COL16A1: variants seen among roughly 807,000 people sequenced by gnomAD.
COL16A1 encodes the protein collagen alpha-1(XVI) chain.
Under a neutral mutation model 266.3 loss-of-function variants are expected in COL16A1, and 189 were observed. The ratio of observed to expected loss-of-function variants is 0.71; its 90% CI spans 0.63 to 0.80. The LOEUF (loss-of-function observed/expected upper bound fraction) is 0.80. Among genes scored for constraint, COL16A1 ranks in the 30% least tolerant of loss-of-function variants. COL16A1 has a pLI of 0.00. For missense variants in COL16A1, 1,928 were observed against 2,122.4 expected, an observed-to-expected ratio of 0.91 and a Z score of 1.80; for synonymous variants, 740 against 782.3, an observed-to-expected ratio of 0.95 and a Z score of 0.90.
intron 44 of COL16A1, among the ~76,000 whole-genome samples, chr1:31,674,445 G>A (rs1250720107): frequency 6.6e-6 from 1 of 152,220 alleles, no homozygotes; most frequent in African/African-American, 2.4e-5. Context: ...GCCGGCCCAG[G>A]CCACAGCCCT....
intron 9 of COL16A1, 73 bp from the exon 10 acceptor site, chr1:31,695,860 C>T (rs1373755106): frequency 4.9e-5 from 69 of 1,398,556 alleles, no homozygotes; most frequent in Non-Finnish European, 6.8e-5. Flanking sequence ...AACACCCCTA[C>T]CCCCAAACCA....
intron 12 of COL16A1, 100 bp from the exon 13 acceptor site, chr1:31,693,254 A>G: frequency 1.4e-6 from 1 of 715,314 alleles, no homozygotes; most frequent in South Asian, 1.5e-5. Flanking sequence ...ATCCCCCCAC[A>G]CACGGGTACG....
chr1:31,681,117 C>G lies in COL16A1; in HGVS notation c.2539-50G>C, dbSNP rs2297685. The stretch of plus-strand genomic sequence containing the variant: ...GAGGGTGAGACTGGGCAGCGGCCAG[C>G]CATCTGGCCTGCTGCAGAAAAGGGG... On this transcript the variant is annotated intron_variant, in intron 37 of 70. Transcript: ENST00000373672. 561 of 1,565,276 alleles carry G rather than the reference C, an allele frequency of 3.6e-4. 6 individuals are homozygous for G. In the East Asian group the frequency reaches 0.01, roughly 29 times the overall value.
At chr1:31,676,688 C>T (rs765371318) in intron 42 of COL16A1, among the ~76,000 whole-genome samples, 1 of 152,152 alleles carries the variant, frequency 6.6e-6, no homozygotes, top group African/African-American at 2.4e-5. Context: ...CCATGCCACC[C>T]GGACAATGTT....
intron 3 of COL16A1, 25 bp from the exon 4 acceptor site, chr1:31,699,955 A>C (rs762303881): frequency 9.4e-6 from 15 of 1,592,958 alleles, no homozygotes; most frequent in Non-Finnish European, 1.3e-5. Context: ...TCAGGTGAAG[A>C]GCTCAGCTGA....
intron 48 of COL16A1, among the ~76,000 whole-genome samples, chr1:31,671,096 C>G (rs569101910): frequency 4.6e-5 from 7 of 152,328 alleles, no homozygotes; most frequent in Admixed American, 4.6e-4. Context: ...ATTTTCCTGC[C>G]ATGTCAACAT....
intron 2 of COL16A1, chr1:31,701,592 C>A (rs1644727076): frequency 1.0e-6 from 1 of 984,742 alleles, no homozygotes; most frequent in Non-Finnish European, 1.2e-6. Flanking sequence ...CATCCAGAGT[C>A]TGGGCCTCGG....
At chr1:31,659,095 C>G (rs1313702012) in intron 62 of COL16A1, 131 bp from the exon 63 acceptor site, 2 of 851,912 alleles carry the variant, frequency 2.3e-6, no homozygotes, top group Non-Finnish European at 3.8e-6. Context: ...TTCCTTCGCT[C>G]TGGTCTTGCA....
chr1:31,694,146 TG>T lies in COL16A1; in HGVS notation c.1005del (p.Lys336ArgfsTer125). On this transcript the variant is annotated frameshift_variant, in exon 12 of 71. Transcript: ENST00000373672. LOFTEE classifies it high-confidence loss of function. The stretch of plus-strand genomic sequence containing the variant: ...TCCCGTTCTCCATTAGGACTCACCT[TG>T]GGGCCAGAGGGAGCAAGTGTGACCT... ...DSNVTLAPSG[P>X]KGGKGERGLP... 6.2e-7 allele frequency: 1 copy of T among 1,600,246 alleles called. No individual in the cohort carries two copies.
rs1205924497 is a variant in COL16A1 at position 31,665,637 on chromosome 1, G to A, written c.3457-19C>T. On this transcript the variant is annotated intron_variant, in intron 54 of 70. Coordinates refer to ENST00000373672, the MANE Select transcript of COL16A1 (RefSeq NM_001856.4). ...GAAATCCCTAGGGTGAGAAGCAAGG[G>A]GCAGTGTGCTGTGCCACCCCCTCTC... 2 of 1,612,620 alleles carry A rather than the reference G, an allele frequency of 1.2e-6. No homozygotes were observed. The highest frequency in any genetic ancestry group is 1.7e-6 in the Non-Finnish European group (2 of 1,179,278).
rs775467030 is a variant in COL16A1, at chr1:31,698,588, AC to A, written c.284del (p.Gly95ValfsTer10). ...TQPTRRVFPR[G>X]LPEEFALVLT... The stretch of plus-strand genomic sequence containing the variant: ...GCACCAGGGCAAACTCCTCCGGGAG[AC>A]CCCGAGGGAATACTCTTCTGGAGAT... On this transcript the variant is annotated frameshift_variant, in exon 5 of 71. Transcript: ENST00000373672. LOFTEE classifies it high-confidence loss of function. The surrounding 1 kb of genome is among the most constrained non-coding windows in gnomAD (Gnocchi z 4.1). The A allele has an allele frequency of 2.4e-5, 38 of 1,613,622 alleles. No individual in the cohort carries two copies. The highest frequency in any genetic ancestry group is 3.1e-5 in the Non-Finnish European group (37 of 1,179,958).
chr1:31,653,422 G>GC (rs776336841), intron 70 of COL16A1, 177 bp downstream of exon 70: 4 of 710,202 alleles, frequency 5.6e-6, no homozygotes, highest in Non-Finnish European at 8.9e-6. Flanking sequence ...TGAGTCTTCC[G>GC]CCCCCACATC....
intron 37 of COL16A1, 96 bp from the exon 38 acceptor site, chr1:31,681,163 C>T (rs2297684): frequency 0.58 from 861,455 of 1,476,780 alleles, 254,760 homozygotes; most frequent in South Asian, 0.62. Flanking sequence ...ACAGAAGCAG[C>T]GCCAGGTTCC....
Position 31,668,253 on chromosome 1 carries a change from C to T in COL16A1, c.3250-35G>A, listed in dbSNP as rs1230568931. On this transcript the variant is annotated intron_variant, in intron 50 of 70. Coordinates refer to ENST00000373672, the MANE Select transcript of COL16A1 (RefSeq NM_001856.4). This position sits in a 1 kb window ranked among gnomAD's most constrained non-coding sequence, Gnocchi z 5.8. ...AAGGCAGACATGATGGATAGCCCCC[C>T]AACATTTCTGTTCTCCCCTCGCTGG... 5.6e-6 allele frequency: 9 copies of T among 1,610,168 alleles called. No homozygotes were observed. Among genetic ancestry groups the T allele is most frequent in the Non-Finnish European group, 7.6e-6 (9 of 1,176,860 alleles).
chr1:31,678,207 G>C (rs1643344702), intron 42 of COL16A1, among the ~76,000 whole-genome samples: 1 of 152,130 alleles, frequency 6.6e-6, no homozygotes, highest in Non-Finnish European at 1.5e-5. Flanking sequence ...GGGTGGGGAG[G>C]GAAGATACAA....
Position 31,700,648 on chromosome 1 carries a change from G to A in COL16A1, c.74-533C>T, listed in dbSNP as rs575555906. On this transcript the variant is annotated intron_variant, in intron 2 of 70. Transcript: ENST00000373672. ...TGGGAGTTGTAGGTGCCCATGCCACGAGGGATGACATGTGCAGCTGGCACA... is the reference window on the plus strand; with the variant it reads ...TGGGAGTTGTAGGTGCCCATGCCACAAGGGATGACATGTGCAGCTGGCACA... Among the ~76,000 whole-genome samples the A allele has an allele frequency of 5.9e-5, 9 of 152,318 alleles. No individual in the cohort carries two copies. In the South Asian group the frequency reaches 1.7e-3, roughly 28 times the overall value.
At chr1:31,665,506 C>T in intron 55 of COL16A1, 77 bp downstream of exon 55, 2 of 1,612,386 alleles carry the variant, frequency 1.2e-6, no homozygotes, top group South Asian at 2.2e-5. Flanking sequence ...CATCCTACCC[C>T]AGCCTGGCCT....
rs771521897 is a variant in COL16A1 at position 31,700,127 on chromosome 1, G to A, written c.74-12C>T. 1.9e-6 allele frequency: 3 copies of A among 1,613,898 alleles called. No individual in the cohort carries two copies. Among genetic ancestry groups the A allele is most frequent in the Non-Finnish European group, 2.5e-6 (3 of 1,179,876 alleles). On this transcript the variant is annotated splice_polypyrimidine_tract_variant and intron_variant, in intron 2 of 70. Transcript: ENST00000373672. ...TGGGCATTGTGCACCTAGAAGAGAAGGGGCAGGGGGGCATTAGGTGCGCTC... is the reference window on the plus strand; with the variant it reads ...TGGGCATTGTGCACCTAGAAGAGAAAGGGCAGGGGGGCATTAGGTGCGCTC...
At position 31,656,564 on chromosome 1, in the gene COL16A1, GCT is replaced by G; in HGVS notation, c.4057-122_4057-121del. On this transcript the variant is annotated intron_variant, in intron 65 of 70. Transcript: ENST00000373672. This position sits in a 1 kb window ranked among gnomAD's most constrained non-coding sequence, Gnocchi z 4.2. ...GAGGCCCCCAGGTGTGTCCAGCCCA[GCT>G]CTGTGTGAGAAAGGAGCGCAGCCTC... The G allele has an allele frequency of 7.0e-7, 1 of 1,438,460 alleles. No homozygotes were observed. The highest frequency in any genetic ancestry group is 2.5e-5 in the East Asian group (1 of 40,422). The allele number at this position is 1,438,460 out of a possible 1,614,324, so 89.1% of individuals were successfully genotyped here.
Sources: gnomAD v4.1 joint callset for allele counts (sites outside exome capture counted in the v4.1 genomes callset) on GRCh38, gnomAD v4.1.1 for gene constraint, Gnocchi (gnomAD v3.1) non-coding constraint, MANE v1.5 for transcripts, NCBI Gene and HGNC (gene_info 2026-07-23, HGNC 2026-07-21) for gene names.